PABPC4L: variants seen among roughly 807,000 people sequenced by gnomAD.
PABPC4L encodes the protein polyadenylate-binding protein 4-like.
For synonymous variants in PABPC4L, 169 were observed against 164.1 expected (o/e 1.03, Z -0.23); for missense variants, 452 against 451.4 (o/e 1.00, Z -0.01).
At chr4:134,083,396 C>A in the PABPC4L span, among the ~76,000 whole-genome samples, 5 of 151,590 alleles carry the variant, frequency 3.3e-5, no homozygotes, top group African/African-American at 1.2e-4. Flanking sequence ...GTCAAAGCAA[C>A]TTGCCAAAAA....
chr4:134,069,091 T>C, the PABPC4L span, among the ~76,000 whole-genome samples: 1 of 152,138 alleles, frequency 6.6e-6, no homozygotes, highest in Non-Finnish European at 1.5e-5. Context: ...TTATGAAGCT[T>C]CATTTGGCTG....
Position 134,201,042 on chromosome 4 carries a change from G to GTT in PABPC4L, c.-25_-24dup, listed in dbSNP as rs1020998293. 2 of 1,551,544 alleles carry GTT rather than the reference G, an allele frequency of 1.3e-6. No homozygotes were observed. Among genetic ancestry groups the GTT allele is most frequent in the African/African-American group, 2.7e-5 (2 of 73,016 alleles). Reference sequence around the variant, plus strand: ...CATCTCCTTGTCCTTGCCACTGTGAGTTTGTCCCCTGGAGTTCTTTGAGCA... The same window carrying GTT: ...CATCTCCTTGTCCTTGCCACTGTGAGTTTTTGTCCCCTGGAGTTCTTTGAGCA... On this transcript the variant is annotated 5_prime_UTR_variant, in exon 2 of 2. Transcript: ENST00000421491.
At chr4:133,955,809 C>T in the PABPC4L span, among the ~76,000 whole-genome samples, 6 of 152,104 alleles carry the variant, frequency 3.9e-5, no homozygotes, top group Admixed American at 3.9e-4. Context: ...CTTATTAATG[C>T]ACCATTCACA....
the PABPC4L span, among the ~76,000 whole-genome samples, chr4:133,982,421 A>G: frequency 6.3e-3 from 965 of 152,148 alleles, 10 homozygotes; most frequent in African/African-American, 0.022. Flanking sequence ...AGTCCAGGAC[A>G]GATTTTATGC....
the PABPC4L span, among the ~76,000 whole-genome samples, chr4:134,179,888 C>T: frequency 6.6e-6 from 1 of 152,100 alleles, no homozygotes; most frequent in Non-Finnish European, 1.5e-5. Context: ...ATTCATAACA[C>T]AAGTTACGAA....
the PABPC4L span, among the ~76,000 whole-genome samples, chr4:134,076,558 G>A: frequency 6.6e-6 from 1 of 152,080 alleles, no homozygotes; most frequent in Non-Finnish European, 1.5e-5. Flanking sequence ...AAATTATGTA[G>A]GTTTTGATAT....
downstream of PABPC4L, among the ~76,000 whole-genome samples, chr4:134,193,269 G>A (rs1457047955): frequency 1.3e-5 from 2 of 151,566 alleles, no homozygotes; most frequent in Non-Finnish European, 2.9e-5. Flanking sequence ...ATGCAACAGA[G>A]CTTCTTTCAA....
the PABPC4L span, among the ~76,000 whole-genome samples, chr4:134,047,377 A>C: frequency 6.6e-6 from 1 of 152,110 alleles, no homozygotes; most frequent in Non-Finnish European, 1.5e-5. Context: ...CAAATAATAC[A>C]AAAAGAGATG....
chr4:134,052,061 G>C, the PABPC4L span, among the ~76,000 whole-genome samples: 1 of 151,826 alleles, frequency 6.6e-6, no homozygotes, highest in Non-Finnish European at 1.5e-5. Context: ...CTATACACAG[G>C]CTACTTGGCT....
the PABPC4L span, among the ~76,000 whole-genome samples, chr4:134,005,889 G>T: frequency 6.6e-6 from 1 of 151,622 alleles, no homozygotes; most frequent in Non-Finnish European, 1.5e-5. Context: ...GAGATTACCA[G>T]GTAAAGTGAA....
At chr4:134,086,147 T>A in the PABPC4L span, among the ~76,000 whole-genome samples, 11 of 152,228 alleles carry the variant, frequency 7.2e-5, no homozygotes, top group East Asian at 2.1e-3. Context: ...TTCTTTGGCA[T>A]TTTCCTGGTA....
the PABPC4L span, among the ~76,000 whole-genome samples, chr4:134,175,312 G>A: frequency 6.6e-6 from 1 of 152,046 alleles, no homozygotes; most frequent in Non-Finnish European, 1.5e-5. Context: ...TGAATTACAT[G>A]TGTGCTATGT....
chr4:134,179,060 TACTAAATAAG>T, the PABPC4L span, among the ~76,000 whole-genome samples: 3 of 151,986 alleles, frequency 2.0e-5, no homozygotes, highest in South Asian at 4.1e-4. Flanking sequence ...TCCCTCAAAA[TACTAAATAAG>T]AAGACAATCC....
chr4:134,120,763 C>T, the PABPC4L span, among the ~76,000 whole-genome samples: 2 of 151,118 alleles, frequency 1.3e-5, no homozygotes, highest in Non-Finnish European at 1.5e-5. Context: ...GAATATTTCT[C>T]TTTATGTTTG....
At chr4:134,153,058 G>A in the PABPC4L span, among the ~76,000 whole-genome samples, 107,709 of 152,026 alleles carry the variant, frequency 0.71, 39,748 homozygotes, top group East Asian at 1. Flanking sequence ...ATCTGCTCCC[G>A]TGACACAAAC....
the PABPC4L span, among the ~76,000 whole-genome samples, chr4:133,971,495 G>C: frequency 6.6e-6 from 1 of 152,212 alleles, no homozygotes; most frequent in African/African-American, 2.4e-5. Context: ...ATTGGCCCAG[G>C]AGCCAGTTTC....
chr4:134,102,400 A>AT, the PABPC4L span, among the ~76,000 whole-genome samples: 1 of 151,548 alleles, frequency 6.6e-6, no homozygotes, highest in Non-Finnish European at 1.5e-5. Context: ...ATCACCTAGG[A>AT]CATTAAAAAA....
At chr4:134,081,756 C>T in the PABPC4L span, among the ~76,000 whole-genome samples, 1 of 151,852 alleles carries the variant, frequency 6.6e-6, no homozygotes, top group Non-Finnish European at 1.5e-5. Context: ...ACCAACTAAC[C>T]AAAAAAACAC....
the PABPC4L span, among the ~76,000 whole-genome samples, chr4:133,961,531 C>T: frequency 7.0e-4 from 106 of 152,274 alleles, no homozygotes; most frequent in Middle Eastern, 3.4e-3. Context: ...TCATCTATCA[C>T]CTGAGAGCAC....
Sources: gnomAD v4.1 joint callset for allele counts (sites outside exome capture counted in the v4.1 genomes callset) on GRCh38, gnomAD v4.1.1 for gene constraint, MANE v1.5 for transcripts, NCBI Gene and HGNC (gene_info 2026-07-23, HGNC 2026-07-21) for gene names.